Variants in BROX observed in about 807,000 individuals in gnomAD.
The protein encoded by BROX is BRO1 domain-containing protein BROX.
Under a neutral mutation model 61.0 loss-of-function variants are expected in BROX, and 53 were observed. The ratio of observed to expected loss-of-function variants is 0.87; its 90% CI spans 0.70 to 1.09. BROX has a LOEUF of 1.09. Ranked by LOEUF, BROX falls within the 50% of genes least tolerant of loss-of-function variation. The pLI is 0.00. For missense variants in BROX, 489 were observed against 472.0 expected (o/e 1.04, Z -0.33); for synonymous variants, 152 against 160.2 (o/e 0.95, Z 0.38).
At chr1:222,713,308 G>A (rs1041846801) in intron 1 of BROX, 5 of 985,896 alleles carry the variant, frequency 5.1e-6, no homozygotes, top group Non-Finnish European at 6.0e-6. Flanking sequence ...TCAAGTGTTG[G>A]CGCGTGCGCA....
chr1:222,714,020 C>CATT (rs969328748), intron 1 of BROX: 1 of 152,064 alleles, frequency 6.6e-6, no homozygotes, highest in African/African-American at 2.4e-5. Context: ...GTACAGCCAC[C>CATT]ATTATTTTCT....
chr1:222,724,189 T>C, intron 6 of BROX, 25 bp downstream of exon 6: 1 of 1,556,248 alleles, frequency 6.4e-7, no homozygotes, highest in African/African-American at 1.4e-5. Flanking sequence ...CAAAAACCAT[T>C]ATTTGTTCTT....
chr1:222,713,338 C>T, intron 1 of BROX: 1 of 985,706 alleles, frequency 1.0e-6, no homozygotes, highest in Non-Finnish European at 1.2e-6. Context: ...CCCGCTGCCT[C>T]GAACGGGACT....
At chr1:222,724,294 T>C (rs1657334469) in intron 6 of BROX, 130 bp downstream of exon 6, 1 of 726,412 alleles carries the variant, frequency 1.4e-6, no homozygotes, top group Admixed American at 3.2e-5. Flanking sequence ...TCTGTTTTCC[T>C]TATGTTAAGT....
intron 4 of BROX, 71 bp downstream of exon 4, chr1:222,719,430 G>C: frequency 9.4e-7 from 1 of 1,058,772 alleles, no homozygotes; most frequent in Admixed American, 2.1e-5. Context: ...TTAACTCATA[G>C]CCTTTGTATT....
chr1:222,722,576 T>G, intron 5 of BROX, 62 bp downstream of exon 5: 15 of 1,175,790 alleles, frequency 1.3e-5, no homozygotes, highest in Non-Finnish European at 1.8e-5. Context: ...GGCGCTTCAT[T>G]ATTTTAAAAA....
intron 1 of BROX, among the ~76,000 whole-genome samples, chr1:222,714,398 C>A (rs2124987501): frequency 6.6e-6 from 1 of 151,304 alleles, no homozygotes; most frequent in African/African-American, 2.4e-5. Flanking sequence ...AGTAGAGTCA[C>A]CGTGTTAGCC....
intron 6 of BROX, 102 bp downstream of exon 6, chr1:222,724,266 A>T (rs1363935172): frequency 2.2e-6 from 2 of 924,828 alleles, no homozygotes; most frequent in African/African-American, 3.4e-5. Context: ...TCATTATATT[A>T]AAAAAGGTAC....
In BROX at chr1:222,726,737, T is replaced by G. The variant is rs938868472; in HGVS notation, c.581-431T>G. 6.0e-5 allele frequency among the ~76,000 whole-genome samples: 9 copies of G among 151,096 alleles called. No individual in the cohort carries two copies. The South Asian group carries it at 1.9e-3, about 31-fold the overall frequency. ...CATCTCAAAAAAAAAAAAAAGAAAT[T>G]AGCCAGGTGCCATGGCATGCATGTG... On this transcript the variant is annotated intron_variant, in intron 7 of 12. Transcript: ENST00000340934.
chr1:222,713,160 T>G (rs1656194327), intron 1 of BROX: 1 of 979,514 alleles, frequency 1.0e-6, no homozygotes, highest in African/African-American at 1.8e-5. Flanking sequence ...CTGAATCCCC[T>G]TGCCCCGCAT....
chr1:222,722,088 C>T (rs1030657755), intron 4 of BROX, among the ~76,000 whole-genome samples: 32 of 152,236 alleles, frequency 2.1e-4, no homozygotes, highest in African/African-American at 7.5e-4. Flanking sequence ...GTTAAAAATA[C>T]GATTCTAAGC....
intron 4 of BROX, among the ~76,000 whole-genome samples, chr1:222,719,799 T>C (rs1215372322): frequency 1.3e-5 from 2 of 152,226 alleles, no homozygotes; most frequent in Non-Finnish European, 2.9e-5. Flanking sequence ...CACAGTATAT[T>C]TTCTTCATTA....
chr1:222,719,934 T>TC (rs1656940765), intron 4 of BROX, among the ~76,000 whole-genome samples: 1 of 152,234 alleles, frequency 6.6e-6, no homozygotes, highest in Admixed American at 6.5e-5. Flanking sequence ...AATTTTTTAC[T>TC]TACCTACTGT....
At chr1:222,732,318 C>CT (rs1168013900) in intron 12 of BROX, among the ~76,000 whole-genome samples, 1 of 152,058 alleles carries the variant, frequency 6.6e-6, no homozygotes, top group Non-Finnish European at 1.5e-5. Flanking sequence ...CACCCATTAA[C>CT]TTGTCATTTA....
chr1:222,730,289 T>C, intron 11 of BROX, 112 bp downstream of exon 11: 1 of 728,356 alleles, frequency 1.4e-6, no homozygotes, highest in Non-Finnish European at 2.0e-6. Flanking sequence ...CCCAAAAGTT[T>C]TATGTTGAAT....
At chr1:222,717,099 T>A (rs577397567) in intron 2 of BROX, among the ~76,000 whole-genome samples, 5 of 152,364 alleles carry the variant, frequency 3.3e-5, no homozygotes, top group South Asian at 2.1e-4. Context: ...GTCATCAAAC[T>A]TTTTAAAAGC....
chr1:222,717,613 T>C (rs1656729714), intron 2 of BROX, among the ~76,000 whole-genome samples: 1 of 152,212 alleles, frequency 6.6e-6, no homozygotes, highest in African/African-American at 2.4e-5. Context: ...GATTAATTCA[T>C]AAGATAGCCA....
chr1:222,732,304 G>A (rs748756244), intron 12 of BROX, among the ~76,000 whole-genome samples: 79 of 152,004 alleles, frequency 5.2e-4, no homozygotes, highest in African/African-American at 1.7e-3. Flanking sequence ...ATGCTGGTGT[G>A]CTGCACCCAT....
rs913933132 is a variant in BROX, at chr1:222,716,924, T to C, written c.101+1124T>C. 2.6e-5 allele frequency among the ~76,000 whole-genome samples: 4 copies of C among 152,346 alleles called. No homozygotes were observed. In the East Asian group the frequency reaches 5.8e-4, roughly 22 times the overall value. ...GAGTCAATGGACCTGATTGACTAAT[T>C]TGCCTTGGGAGGCTGAAAAGGATTC... On this transcript the variant is annotated intron_variant, in intron 2 of 12. Transcript: ENST00000340934.
Sources: gnomAD v4.1 joint callset for allele counts (sites outside exome capture counted in the v4.1 genomes callset) on GRCh38, gnomAD v4.1.1 for gene constraint, MANE v1.5 for transcripts, NCBI Gene and HGNC (gene_info 2026-07-23, HGNC 2026-07-21) for gene names.